ZDHHC14: variants seen among roughly 807,000 people sequenced by gnomAD.
ZDHHC14 encodes palmitoyltransferase ZDHHC14.
A neutral mutation model predicts 47.7 loss-of-function variants in ZDHHC14; 16 were observed. The ratio of observed to expected loss-of-function variants is 0.34; its 90% CI spans 0.23 to 0.51. The LOEUF is 0.51. Among genes scored for constraint, ZDHHC14 ranks in the 20% least tolerant of loss-of-function variants. The pLI is 0.97. For synonymous variants in ZDHHC14, 293 were observed against 278.9 expected (o/e 1.05, Z -0.50); for missense variants, 515 against 662.5 (o/e 0.78, Z 2.44).
rs574693654 is a variant in ZDHHC14 at position 157,633,027 on chromosome 6, G to C, written c.752+145G>C. 1.7e-5 allele frequency: 14 copies of C among 846,842 alleles called. No homozygotes were observed. The Admixed American group carries it at 2.5e-4, about 15-fold the overall frequency. 52.5% of individuals were successfully genotyped at this position (846,842 alleles called of 1,614,324 possible). Reference sequence around the variant, plus strand: ...AGAACTCCCTCAGATTCACTGGCACGAGTAGTAGCTTCTGACTACTTCCAT... The same window carrying C: ...AGAACTCCCTCAGATTCACTGGCACCAGTAGTAGCTTCTGACTACTTCCAT... On this transcript the variant is annotated intron_variant, in intron 5 of 8. Transcript: ENST00000359775.
At chr6:157,532,048 C>G (rs1454550568) in intron 1 of ZDHHC14, among the ~76,000 whole-genome samples, 5 of 152,178 alleles carry the variant, frequency 3.3e-5, no homozygotes, top group Non-Finnish European at 5.9e-5. Context: ...AGTGTGGGGC[C>G]CCTGGCCATG....
intron 2 of ZDHHC14, among the ~76,000 whole-genome samples, chr6:157,561,809 C>T (rs1170432671): frequency 6.6e-6 from 1 of 152,130 alleles, no homozygotes; most frequent in Non-Finnish European, 1.5e-5. Context: ...TAGGTGTGCA[C>T]CACCACACCC....
chr6:157,398,995 A>G (rs1344979003), intron 1 of ZDHHC14, among the ~76,000 whole-genome samples: 1 of 152,204 alleles, frequency 6.6e-6, no homozygotes, highest in Non-Finnish European at 1.5e-5. Flanking sequence ...TACATGGATC[A>G]AAATAATTAA....
At chr6:157,522,839 T>C (rs1386240602) in intron 1 of ZDHHC14, among the ~76,000 whole-genome samples, 4 of 45,744 alleles carry the variant, frequency 8.7e-5, no homozygotes, top group Non-Finnish European at 1.5e-4. Context: ...CTCCCTCCCT[T>C]CCTTCCTTCC....
At chr6:157,476,824 G>GA in intron 1 of ZDHHC14, among the ~76,000 whole-genome samples, 1 of 152,252 alleles carries the variant, frequency 6.6e-6, no homozygotes, top group African/African-American at 2.4e-5. Flanking sequence ...AATAGATGTA[G>GA]AAGAGGTATT....
chr6:157,541,619 G>A (rs1373474690), intron 1 of ZDHHC14, among the ~76,000 whole-genome samples: 1 of 152,166 alleles, frequency 6.6e-6, no homozygotes, highest in Non-Finnish European at 1.5e-5. Context: ...GTTCCCCAAT[G>A]CCCATGATGT....
intron 1 of ZDHHC14, among the ~76,000 whole-genome samples, chr6:157,490,152 T>C (rs1779878908): frequency 6.6e-6 from 1 of 152,136 alleles, no homozygotes; most frequent in African/African-American, 2.4e-5. Context: ...GGAAGCTGGT[T>C]GGGCGAGGGG....
At chr6:157,489,549 G>C (rs1779863775) in intron 1 of ZDHHC14, among the ~76,000 whole-genome samples, 2 of 148,628 alleles carry the variant, frequency 1.3e-5, no homozygotes, top group Admixed American at 6.7e-5. Context: ...ACTGGGTGTA[G>C]GTGCAGTCTC....
intron 1 of ZDHHC14, among the ~76,000 whole-genome samples, chr6:157,466,046 A>T (rs184595081): frequency 1.3e-5 from 2 of 150,298 alleles, no homozygotes; most frequent in African/African-American, 4.9e-5. Context: ...TGTCTCAAAG[A>T]AAAAAAAAAG....
intron 1 of ZDHHC14, among the ~76,000 whole-genome samples, chr6:157,449,674 T>C (rs140654231): frequency 3.9e-5 from 6 of 152,352 alleles, no homozygotes; most frequent in Admixed American, 1.3e-4. Context: ...TACTTGAGCT[T>C]ACTTTTCATT....
chr6:157,470,483 T>C (rs1254711851), intron 1 of ZDHHC14, among the ~76,000 whole-genome samples: 1 of 152,156 alleles, frequency 6.6e-6, no homozygotes, highest in African/African-American at 2.4e-5. Context: ...CCCATGATAG[T>C]ATATGGATTG....
At chr6:157,653,139 C>T (rs981815374) in intron 7 of ZDHHC14, among the ~76,000 whole-genome samples, 2 of 152,088 alleles carry the variant, frequency 1.3e-5, no homozygotes, top group South Asian at 2.1e-4. Context: ...AGCAGGTACT[C>T]GAAACAACGT....
rs1016646849 is a variant in ZDHHC14 at position 157,574,824 on chromosome 6, C to T, written c.407-18164C>T. ...ATAGATCCATTCTTTCTTCCCTAGC[C>T]GATTTGTCTTTGATACTGCAGTCGA... On this transcript the variant is annotated intron_variant, in intron 2 of 8. Transcript: ENST00000359775. Among the ~76,000 whole-genome samples, 5 of 152,170 alleles carry T rather than the reference C, an allele frequency of 3.3e-5. No individual in the cohort carries two copies. In the South Asian group the frequency reaches 6.2e-4, roughly 19 times the overall value.
At chr6:157,505,027 C>G (rs1780292766) in intron 1 of ZDHHC14, among the ~76,000 whole-genome samples, 1 of 152,080 alleles carries the variant, frequency 6.6e-6, no homozygotes, top group African/African-American at 2.4e-5. Flanking sequence ...CCATGCTGGT[C>G]TTGAACACCT....
chr6:157,635,136 G>C (rs1583051181), intron 5 of ZDHHC14, among the ~76,000 whole-genome samples: 1 of 152,188 alleles, frequency 6.6e-6, no homozygotes, highest in Non-Finnish European at 1.5e-5. Flanking sequence ...TGGGATTACA[G>C]GTGCTGTGCC....
chr6:157,633,244 G>A (rs1776796687), intron 5 of ZDHHC14, among the ~76,000 whole-genome samples: 1 of 152,180 alleles, frequency 6.6e-6, no homozygotes, highest in Non-Finnish European at 1.5e-5. Context: ...CCACGTGTGG[G>A]TTGCATCCTG....
At chr6:157,535,187 T>C (rs1482996402) in intron 1 of ZDHHC14, among the ~76,000 whole-genome samples, 1 of 152,144 alleles carries the variant, frequency 6.6e-6, no homozygotes, top group African/African-American at 2.4e-5. Context: ...CCTCCTCCGC[T>C]CTCTGTTCAC....
In ZDHHC14 at chr6:157,669,673, G is replaced by A. The variant is rs1778705349; in HGVS notation, c.1069-3051G>A. Among the ~76,000 whole-genome samples the A allele has an allele frequency of 2.6e-5, 4 of 152,366 alleles. No individual in the cohort carries two copies. The South Asian group carries it at 6.2e-4, about 24-fold the overall frequency. ...AGCAAATCTAATTTGCCATTTCCTTGTTCCTTAGAGCCAGGGGGTATTGTG... is the reference window on the plus strand; with the variant it reads ...AGCAAATCTAATTTGCCATTTCCTTATTCCTTAGAGCCAGGGGGTATTGTG... On this transcript the variant is annotated intron_variant, in intron 8 of 8. Transcript: ENST00000359775.
At chr6:157,419,642 C>T (rs1461999188) in intron 1 of ZDHHC14, among the ~76,000 whole-genome samples, 1 of 152,160 alleles carries the variant, frequency 6.6e-6, no homozygotes, top group Non-Finnish European at 1.5e-5. Flanking sequence ...CTTGATAGCT[C>T]ATTTCTTTGT....
Sources: allele counts gnomAD v4.1 joint callset (sites outside exome capture counted in the v4.1 genomes callset), GRCh38; gene constraint gnomAD v4.1.1; transcripts MANE v1.5; gene names NCBI Gene and HGNC (gene_info 2026-07-23, HGNC 2026-07-21).